The following TNFRSF9 variants were observed in gnomAD, a reference collection of about 807,000 sequenced individuals.
The protein encoded by TNFRSF9 is TNF receptor superfamily member 9.
In TNFRSF9, 16 loss-of-function variants were observed where a neutral mutation model predicts 28.8. The observed-to-expected ratio is 0.55, with a 90% CI of 0.38 to 0.84. TNFRSF9 has a LOEUF of 0.84. TNFRSF9 is among the 40% of genes least tolerant of loss of function. The pLI, the probability that TNFRSF9 is intolerant of heterozygous loss-of-function variation, is 0.00. For missense variants in TNFRSF9, 303 were observed against 315.0 expected, an observed-to-expected ratio of 0.96 and a Z score of 0.29; for synonymous variants, 131 against 117.0, an observed-to-expected ratio of 1.12 and a Z score of -0.77.
intron 6 of TNFRSF9, 111 bp from the exon 7 acceptor site, chr1:7,933,407 G>T: frequency 7.6e-7 from 1 of 1,322,394 alleles, no homozygotes; most frequent in Non-Finnish European, 1.0e-6. Flanking sequence ...TCACAGCCTT[G>T]GGCATCTCCA....
At chr1:7,937,819 T>G in intron 4 of TNFRSF9, 63 bp from the exon 5 acceptor site, 1 of 1,415,718 alleles carries the variant, frequency 7.1e-7, no homozygotes. Flanking sequence ...TAACTTTTCC[T>G]GTGATGAACT....
In TNFRSF9 at chr1:7,933,881, G is replaced by T. The variant is rs189482924; in HGVS notation, c.545-585C>A. 3.3e-3 allele frequency among the ~76,000 whole-genome samples: 506 copies of T among 152,044 alleles called. 5 individuals are homozygous for T. Among genetic ancestry groups the T allele is most frequent in the Middle Eastern group, 3.4e-3 (1 of 294 alleles). On this transcript the variant is annotated intron_variant, in intron 6 of 7. Transcript: ENST00000377507. ...AAAATACAAAAATTAGCTGGGTGCCGTGGTGGGCGCCTGTAATCCCAGCTA... is the reference window on the plus strand; with the variant it reads ...AAAATACAAAAATTAGCTGGGTGCCTTGGTGGGCGCCTGTAATCCCAGCTA...
At chr1:7,929,533 T>G (rs1639704020) in intron 7 of TNFRSF9, among the ~76,000 whole-genome samples, 1 of 152,154 alleles carries the variant, frequency 6.6e-6, no homozygotes, top group Non-Finnish European at 1.5e-5. Flanking sequence ...GTATTCCCAC[T>G]GCAATGCTAC....
At chr1:7,933,338 T>C in intron 6 of TNFRSF9, 42 bp from the exon 7 acceptor site, 1 of 1,597,078 alleles carries the variant, frequency 6.3e-7, no homozygotes, top group Non-Finnish European at 8.5e-7. Flanking sequence ...CAGAAATGTG[T>C]TGACACTCAT....
chr1:7,929,638 T>C (rs226485), intron 7 of TNFRSF9, among the ~76,000 whole-genome samples: 13,973 of 152,158 alleles, frequency 0.092, 1,624 homozygotes, highest in East Asian at 0.51. Flanking sequence ...ATTCCTTAAA[T>C]AACAAAAGTA....
In TNFRSF9 at chr1:7,920,194, T is replaced by G. The variant is rs1238434753; in HGVS notation, c.*641A>C. 6.6e-6 allele frequency: 1 copy of G among 152,326 alleles called. No individual in the cohort carries two copies. The highest frequency in any genetic ancestry group is 1.5e-5 in the Non-Finnish European group (1 of 68,032). The allele number at this position is 152,326 out of a possible 1,614,324, so 9.4% of individuals were successfully genotyped here. The stretch of plus-strand genomic sequence containing the variant: ...CCAAAAAACAAACCTGCATTGATTT[T>G]GATTATAATTATAGTTGGACCACTG... On this transcript the variant is annotated 3_prime_UTR_variant, in exon 8 of 8. Coordinates refer to ENST00000377507, the MANE Select transcript of TNFRSF9 (RefSeq NM_001561.6).
In TNFRSF9 at chr1:7,939,920, C is replaced by T. The variant is rs757648581; in HGVS notation, c.75G>A (p.Gln25=). The T allele has an allele frequency of 2.7e-5, 43 of 1,603,656 alleles. No homozygotes were observed. In the South Asian group the frequency reaches 4.4e-4, roughly 17 times the overall value. ...CAGCTGGGCAGTTACTACAAGGATC[C>T]TGCAATGATCTTGTCCTCTCAAAGT... ...VLNFERTRSL[Q]DPCSNCPAGT... The change falls in exon 2 of 8, where the codon CAG becomes CAA. Residue 25 remains glutamine (Q), a synonymous_variant. Transcript: ENST00000377507.
chr1:7,920,956 GTTGT>G, intron 7 of TNFRSF9, 33 bp from the exon 8 acceptor site: 1 of 1,450,030 alleles, frequency 6.9e-7, no homozygotes, highest in African/African-American at 1.4e-5. Flanking sequence ...CGTATATTTT[GTTGT>G]CTATTTGAAT....
At chr1:7,928,720 C>T (rs1578072707) in intron 7 of TNFRSF9, among the ~76,000 whole-genome samples, 2 of 152,114 alleles carry the variant, frequency 1.3e-5, no homozygotes, top group Admixed American at 1.3e-4. Context: ...GGCAAAACCC[C>T]GTCTCTACTA....
intron 7 of TNFRSF9, among the ~76,000 whole-genome samples, chr1:7,928,613 C>T (rs186601931): frequency 8.5e-4 from 130 of 152,282 alleles, no homozygotes; most frequent in Admixed American, 7.5e-3. Context: ...ACAAATGGGC[C>T]GGGCATGGTG....
intron 7 of TNFRSF9, among the ~76,000 whole-genome samples, chr1:7,932,393 A>C (rs149706948): frequency 6.6e-6 from 1 of 152,324 alleles, no homozygotes; most frequent in South Asian, 2.1e-4. Flanking sequence ...TGTCTAGTGG[A>C]TGCTGACTCA....
Position 7,920,858 on chromosome 1 carries a change from C to A in TNFRSF9, c.745G>T (p.Glu249Ter). The A allele has an allele frequency of 6.2e-7, 1 of 1,613,940 alleles. No individual in the cohort carries two copies. The highest frequency in any genetic ancestry group is 1.1e-5 in the South Asian group (1 of 91,086). Residue 249 changes from glutamate to a stop codon, truncating the protein, a stop_gained, in exon 8 of 8, where the codon GAA (glutamate) becomes TAA (stop). Coordinates refer to ENST00000377507, the MANE Select transcript of TNFRSF9 (RefSeq NM_001561.6). LOFTEE classifies it high-confidence loss of function. Reference sequence around the variant, plus strand: ...TTTCACAGTTCACATCCTCCTTCTTCTTCTTCTGGAAATCGGCAGCTACAG... The same window carrying A: ...TTTCACAGTTCACATCCTCCTTCTTATTCTTCTGGAAATCGGCAGCTACAG... ...DGCSCRFPEE[E>*]EGGCEL
chr1:7,933,310 CAAAAG>C lies in TNFRSF9; in HGVS notation c.545-19_545-15del. ...GCGGAGAGTGTCCTGCAAAACACAG[CAAAAG>C]GAGAAACGCATGCAGAAATGTGTTG... is the stretch of plus-strand genomic sequence containing the variant. On this transcript the variant is annotated splice_polypyrimidine_tract_variant and intron_variant, in intron 6 of 7. Coordinates refer to ENST00000377507, the MANE Select transcript of TNFRSF9 (RefSeq NM_001561.6). 6.2e-7 allele frequency: 1 copy of C among 1,609,226 alleles called. No homozygotes were observed. The highest frequency in any genetic ancestry group is 8.5e-7 in the Non-Finnish European group (1 of 1,178,052).
intron 7 of TNFRSF9, 24 bp from the exon 8 acceptor site, chr1:7,920,947 G>A (rs374786983): frequency 7.9e-5 from 119 of 1,500,078 alleles, no homozygotes; most frequent in East Asian, 2.7e-4. Context: ...TTTAAGATAC[G>A]TATATTTTGT....
intron 7 of TNFRSF9, among the ~76,000 whole-genome samples, chr1:7,924,350 G>GGT (rs1639608264): frequency 6.9e-6 from 1 of 144,008 alleles, no homozygotes; most frequent in Non-Finnish European, 1.5e-5. Flanking sequence ...GTTAAGGCCG[G>GGT]GTGTTGTGGC....
chr1:7,940,015 T>C lies in TNFRSF9; in HGVS notation c.-21A>G. ...CCCATGATGAAATCTGGCACAGGTA[T>C]GATACTAGCAAAGCTGATTCCAAGA... On this transcript the variant is annotated 5_prime_UTR_variant, in exon 2 of 8. Transcript: ENST00000377507. The C allele has an allele frequency of 1.3e-6, 2 of 1,536,246 alleles. No homozygotes were observed. The highest frequency in any genetic ancestry group is 1.8e-6 in the Non-Finnish European group (2 of 1,113,984).
intron 6 of TNFRSF9, 151 bp downstream of exon 6, chr1:7,934,862 G>A: frequency 1.0e-6 from 1 of 991,248 alleles, no homozygotes; most frequent in South Asian, 1.7e-5. Flanking sequence ...AAATGCCTGG[G>A]AAGAAAACTG....
rs1639519734 is a variant in TNFRSF9, at chr1:7,918,969, A to G, written c.*1866T>C. 6.6e-6 allele frequency: 1 copy of G among 152,208 alleles called. No homozygotes were observed. Among genetic ancestry groups the G allele is most frequent in the African/African-American group, 2.4e-5 (1 of 41,464 alleles). The allele number at this position is 152,208 out of a possible 1,614,324, so 9.4% of individuals were successfully genotyped here. ...TTGGTACTGCAGTAGACTATTGTTCAGAAATATCTTCTCCTCACCCCTATT... is the reference window on the plus strand; with the variant it reads ...TTGGTACTGCAGTAGACTATTGTTCGGAAATATCTTCTCCTCACCCCTATT... On this transcript the variant is annotated 3_prime_UTR_variant, in exon 8 of 8. Transcript: ENST00000377507.
At chr1:7,937,864 A>T (rs1639844049) in intron 4 of TNFRSF9, 108 bp from the exon 5 acceptor site, 2 of 951,826 alleles carry the variant, frequency 2.1e-6, no homozygotes, top group Non-Finnish European at 3.2e-6. Context: ...AATCTGCACA[A>T]ATTGTTCAAT....
Sources: allele counts gnomAD v4.1 joint callset (sites outside exome capture counted in the v4.1 genomes callset), GRCh38; gene constraint gnomAD v4.1.1; transcripts MANE v1.5; gene names NCBI Gene and HGNC (gene_info 2026-07-23, HGNC 2026-07-21).